Variants in TRHDE observed in about 807,000 individuals in gnomAD.
The protein encoded by TRHDE is thyrotropin releasing hormone degrading enzyme, also known as thyrotropin-releasing hormone-degrading ectoenzyme.
TRHDE carries 72 observed loss-of-function variants against 125.7 expected under a neutral mutation model. The ratio of observed to expected loss-of-function variants is 0.57; its 90% CI spans 0.47 to 0.70. The LOEUF is 0.70. Ranked by LOEUF, TRHDE falls within the 30% of genes least tolerant of loss-of-function variation. TRHDE has a pLI of 0.00. For missense variants in TRHDE, 1,110 were observed against 1,327.1 expected (o/e 0.84, Z 2.54); for synonymous variants, 509 against 509.1 (o/e 1.00, Z 0.00).
intron 3 of TRHDE, among the ~76,000 whole-genome samples, chr12:72,433,746 C>CTTTT (rs35623228): frequency 4.8e-5 from 7 of 146,018 alleles, no homozygotes; most frequent in Non-Finnish European, 3.0e-5. Context: ...GACAAATAAA[C>CTTTT]TTTTTTTTTT....
At chr12:72,266,844 T>G (rs183276024) in intron 2 of TRHDE, among the ~76,000 whole-genome samples, 1 of 152,218 alleles carries the variant, frequency 6.6e-6, no homozygotes, top group Non-Finnish European at 1.5e-5. Flanking sequence ...TATTTAATCT[T>G]TTTCAGCTTC....
intron 15 of TRHDE, among the ~76,000 whole-genome samples, chr12:72,631,125 T>C (rs1350131214): frequency 1.3e-5 from 2 of 151,556 alleles, no homozygotes; most frequent in African/African-American, 2.4e-5. Flanking sequence ...TCCTGAGATA[T>C]ACAGAGCAGG....
chr12:72,521,223 C>T (rs1371885755), intron 6 of TRHDE, among the ~76,000 whole-genome samples: 3 of 152,198 alleles, frequency 2.0e-5, no homozygotes, highest in African/African-American at 4.8e-5. Context: ...TTCTTTCCTA[C>T]AAAACCAGTC....
At chr12:72,489,269 A>T (rs1375728997) in intron 5 of TRHDE, among the ~76,000 whole-genome samples, 1 of 151,446 alleles carries the variant, frequency 6.6e-6, no homozygotes, top group Admixed American at 6.6e-5. Flanking sequence ...CCTAATTAAG[A>T]AAAAAGAAGA....
intron 2 of TRHDE, among the ~76,000 whole-genome samples, chr12:72,197,907 C>T (rs1877476720): frequency 6.6e-6 from 1 of 151,958 alleles, no homozygotes; most frequent in Non-Finnish European, 1.5e-5. Flanking sequence ...CTGATTACAT[C>T]TTTTATTTTT....
chr12:72,484,482 A>G (rs576526893), intron 5 of TRHDE, among the ~76,000 whole-genome samples: 1 of 152,154 alleles, frequency 6.6e-6, no homozygotes, highest in African/African-American at 2.4e-5. Flanking sequence ...CTAATGATAT[A>G]TGCTTTATCA....
intron 6 of TRHDE, among the ~76,000 whole-genome samples, chr12:72,509,100 A>G (rs746805665): frequency 7.2e-5 from 11 of 152,076 alleles, no homozygotes; most frequent in Non-Finnish European, 1.5e-4. Flanking sequence ...AGACTAATAT[A>G]CCACCCCAGT....
chr12:72,314,649 G>C (rs931682739), intron 2 of TRHDE, among the ~76,000 whole-genome samples: 1 of 152,058 alleles, frequency 6.6e-6, no homozygotes, highest in South Asian at 2.1e-4. Context: ...GTTATGTGGA[G>C]TGCCTCCCTT....
chr12:72,310,145 A>G (rs1175098143), intron 2 of TRHDE, among the ~76,000 whole-genome samples: 1 of 152,134 alleles, frequency 6.6e-6, no homozygotes, highest in East Asian at 1.9e-4. Flanking sequence ...CTGTGTTTGG[A>G]TTTTCTAGCT....
chr12:72,357,906 C>T (rs1257605139), intron 2 of TRHDE, among the ~76,000 whole-genome samples: 1 of 150,666 alleles, frequency 6.6e-6, no homozygotes, highest in African/African-American at 2.4e-5. Flanking sequence ...ATGCTTTTGG[C>T]AATAAAGTTA....
At chr12:72,347,458 C>G (rs1380192326) in intron 2 of TRHDE, among the ~76,000 whole-genome samples, 1 of 152,086 alleles carries the variant, frequency 6.6e-6, no homozygotes, top group African/African-American at 2.4e-5. Flanking sequence ...TATGATCTCA[C>G]AGTTTCTGTG....
chr12:72,458,583 A>G (rs866866884), intron 3 of TRHDE, among the ~76,000 whole-genome samples: 4 of 152,150 alleles, frequency 2.6e-5, no homozygotes, highest in South Asian at 2.1e-4. Flanking sequence ...CCTCTCCCCA[A>G]TGCATCAGAC....
chr12:72,492,768 T>A lies in TRHDE; in HGVS notation c.1585-6730T>A, dbSNP rs1271502277. On this transcript the variant is annotated intron_variant, in intron 5 of 18. Transcript: ENST00000261180. ...TTAACCTAGGGACTCTTAAAAGTCT[T>A]TATCATGTTGTAGTATAGATTTCCA... Among the ~76,000 whole-genome samples, 9 of 151,992 alleles carry A rather than the reference T, an allele frequency of 5.9e-5. No individual in the cohort carries two copies. The South Asian group carries it at 1.9e-3, about 31-fold the overall frequency.
chr12:72,143,976 T>TATCACCCA (rs1310009261), intron 2 of TRHDE, among the ~76,000 whole-genome samples: 4 of 152,236 alleles, frequency 2.6e-5, no homozygotes, highest in Non-Finnish European at 5.9e-5. Context: ...AACTTAAGTT[T>TATCACCCA]ATCACCCACT....
rs569864222 is a variant in TRHDE at position 72,664,045 on chromosome 12, C to T, written c.*850C>T. On this transcript the variant is annotated 3_prime_UTR_variant, in exon 19 of 19. Transcript: ENST00000261180. Reference sequence around the variant, plus strand: ...TTCTTTCTATGTCCTAACTAAATTTCTCAACTGTTATGAATTTTTCATCTA... The same window carrying T: ...TTCTTTCTATGTCCTAACTAAATTTTTCAACTGTTATGAATTTTTCATCTA... The T allele has an allele frequency of 2.6e-5, 4 of 152,176 alleles. No individual in the cohort carries two copies. The South Asian group carries it at 8.3e-4, about 32-fold the overall frequency. 9.4% of individuals were successfully genotyped at this position (152,176 alleles called of 1,614,324 possible). A position where few individuals can be genotyped will look rare whatever the true frequency, so the allele number is the denominator to read the frequency against.
At chr12:72,555,913 AG>A (rs1477693276) in intron 7 of TRHDE, among the ~76,000 whole-genome samples, 1 of 152,202 alleles carries the variant, frequency 6.6e-6, no homozygotes, top group African/African-American at 2.4e-5. Context: ...TCAGTTCAAA[AG>A]CCCCTGCTTT....
intron 2 of TRHDE, among the ~76,000 whole-genome samples, chr12:72,358,413 C>G (rs1347219038): frequency 6.6e-6 from 1 of 151,606 alleles, no homozygotes; most frequent in Non-Finnish European, 1.5e-5. Flanking sequence ...ATTTTAATAA[C>G]ATTTTCTTTT....
chr12:72,337,993 GA>G (rs71438813), intron 2 of TRHDE, among the ~76,000 whole-genome samples: 52,657 of 151,402 alleles, frequency 0.35, 9,872 homozygotes, highest in Non-Finnish European at 0.43. Context: ...GCAGAACTCG[GA>G]AAAAAAAGCA....
At chr12:72,111,910 G>C (rs1192092202) in intron 2 of TRHDE, among the ~76,000 whole-genome samples, 1 of 151,970 alleles carries the variant, frequency 6.6e-6, no homozygotes, top group Non-Finnish European at 1.5e-5. Flanking sequence ...AAAATTTTCA[G>C]CAATCCCACT....
Sources: gnomAD v4.1 joint callset for allele counts (sites outside exome capture counted in the v4.1 genomes callset) on GRCh38, gnomAD v4.1.1 for gene constraint, MANE v1.5 for transcripts, NCBI Gene and HGNC (gene_info 2026-07-23, HGNC 2026-07-21) for gene names.